Variants in MINDY2 observed in about 807,000 individuals in gnomAD.
The protein encoded by MINDY2 is MINDY lysine 48 deubiquitinase 2.
A neutral mutation model predicts 68.2 loss-of-function variants in MINDY2; 52 were observed. That is an observed-to-expected ratio of 0.76 (90% CI 0.61 to 0.96). The LOEUF (loss-of-function observed/expected upper bound fraction) is 0.96. Ranked by LOEUF, MINDY2 falls within the 40% of genes least tolerant of loss-of-function variation. The probability of loss-of-function intolerance (pLI) is 0.00; values close to 1 mark genes in which losing one functional copy is unlikely to be tolerated. For missense variants in MINDY2, 881 were observed against 773.4 expected, an observed-to-expected ratio of 1.14 and a Z score of -1.65; for synonymous variants, 372 against 303.0, an observed-to-expected ratio of 1.23 and a Z score of -2.36.
intron 2 of MINDY2, 84 bp from the exon 3 acceptor site, chr15:58,802,229 T>C (rs1433351163): frequency 2.2e-6 from 2 of 893,080 alleles, no homozygotes; most frequent in African/African-American, 3.4e-5. Context: ...TGTTTTAACA[T>C]TTATAATTAA....
At chr15:58,782,985 T>A (rs1354931398) in intron 1 of MINDY2, among the ~76,000 whole-genome samples, 1 of 135,334 alleles carries the variant, frequency 7.4e-6, no homozygotes, top group African/African-American at 2.7e-5. Context: ...AGTGGCGTGA[T>A]CTTTACTCAC....
At chr15:58,809,386 T>C (rs2030059731) in intron 3 of MINDY2, among the ~76,000 whole-genome samples, 1 of 151,758 alleles carries the variant, frequency 6.6e-6, no homozygotes, top group South Asian at 2.1e-4. Context: ...TTCATCTGGT[T>C]GTAGCATCTG....
intron 2 of MINDY2, among the ~76,000 whole-genome samples, chr15:58,799,172 G>T (rs1902472426): frequency 6.6e-6 from 1 of 152,164 alleles, no homozygotes; most frequent in Non-Finnish European, 1.5e-5. Flanking sequence ...ACTTTATTCA[G>T]GGCCAGTCGT....
chr15:58,833,067 T>C (rs914781148), intron 6 of MINDY2, among the ~76,000 whole-genome samples: 1 of 152,176 alleles, frequency 6.6e-6, no homozygotes, highest in East Asian at 1.9e-4. Context: ...TTTTTATCTC[T>C]TATAGCCATT....
rs368190295 is a variant in MINDY2, at chr15:58,835,341, TAAG to T, written c.1368+3429_1368+3431del. ...TAGGGATTGTCAGGAAAGATTTATT[TAAG>T]AAGGTCACATTTAAAATGATACCTG... On this transcript the variant is annotated intron_variant, in intron 6 of 8. Transcript: ENST00000559228. Among the ~76,000 whole-genome samples the T allele has an allele frequency of 2.9e-3, 447 of 152,276 alleles. 2 individuals carry two copies. The highest frequency in any genetic ancestry group is 0.01 in the African/African-American group (427 of 41,558).
At position 58,771,661 on chromosome 15, in the gene MINDY2, A is replaced by T. The variant is rs1359690884; in HGVS notation, c.266A>T (p.Asp89Val). 6.2e-7 allele frequency: 1 copy of T among 1,612,468 alleles called. No individual in the cohort carries two copies. The highest frequency in any genetic ancestry group is 1.3e-5 in the African/African-American group (1 of 75,006). The change falls in exon 1 of 9, where the codon GAC (aspartate) becomes GTC (valine). Residue 89 changes from aspartate to valine, a missense_variant. Physicochemically the swap from Asp to Val is radical, Grantham distance 152. Coordinates refer to ENST00000559228, the MANE Select transcript of MINDY2 (RefSeq NM_001040450.3). ...TCCTCCGCGGGTTTGGACTTGAAGG[A>T]CAGTGGTTTGGAGAGTCCTGCTGCC... ...CSSSAGLDLK[D>V]SGLESPAAAE...
At chr15:58,800,571 T>C (rs1373658126) in intron 2 of MINDY2, among the ~76,000 whole-genome samples, 2 of 152,172 alleles carry the variant, frequency 1.3e-5, no homozygotes, top group African/African-American at 4.8e-5. Context: ...ATCTTTCTTA[T>C]ATGTGCTTTC....
intron 1 of MINDY2, among the ~76,000 whole-genome samples, chr15:58,781,474 G>C (rs1901137201): frequency 6.6e-6 from 1 of 152,194 alleles, no homozygotes; most frequent in Non-Finnish European, 1.5e-5. Context: ...TATATCTGCA[G>C]TTTCTGACAG....
In MINDY2 at chr15:58,854,741, CG is replaced by C. The variant is rs373988407; in HGVS notation, c.*133del. The C allele has an allele frequency of 4.3e-4, 451 of 1,048,370 alleles. No individual in the cohort carries two copies. Among genetic ancestry groups the C allele is most frequent in the Non-Finnish European group, 5.3e-4 (396 of 746,918 alleles). The allele number at this position is 1,048,370 out of a possible 1,614,324, so 64.9% of individuals were successfully genotyped here. ...GATTTTGTTCGTTTTTTCAGGGGAA[CG>C]GTTGTTACTTAGTTACAATCAGACT... On this transcript the variant is annotated 3_prime_UTR_variant, in exon 9 of 9. Transcript: ENST00000559228.
chr15:58,831,850 G>C lies in MINDY2; in HGVS notation c.1302G>C (p.Thr434=). Residue 434 remains threonine, a synonymous_variant, in exon 6 of 9, where the codon ACG becomes ACC. Transcript: ENST00000559228. ...TYHGLCELTS[T]VQEGELCVFF... ...ATGGATTATGTGAACTAACTTCAAC[G>C]GTTCAGGAAGGAGAACTTTGTGTGT... 6.2e-7 allele frequency: 1 copy of C among 1,613,622 alleles called. No individual in the cohort carries two copies. Among genetic ancestry groups the C allele is most frequent in the Non-Finnish European group, 8.5e-7 (1 of 1,179,790 alleles).
chr15:58,843,376 C>G (rs1401352296), intron 6 of MINDY2, among the ~76,000 whole-genome samples: 1 of 152,094 alleles, frequency 6.6e-6, no homozygotes, highest in East Asian at 1.9e-4. Flanking sequence ...GTCTGAAACT[C>G]CTGACCTCAA....
Position 58,774,500 on chromosome 15 carries a change from A to G in MINDY2, c.840+2265A>G, listed in dbSNP as rs1469287245. On this transcript the variant is annotated intron_variant, in intron 1 of 8. Transcript: ENST00000559228. The stretch of plus-strand genomic sequence containing the variant: ...ACCCCGTCCCAAAAAAAGAAAAAAA[A>G]AAAAAAAAAAGGAAATGCAAAGATG... 7.9e-5 allele frequency among the ~76,000 whole-genome samples: 12 copies of G among 151,832 alleles called. No homozygotes were observed. The South Asian group carries it at 2.5e-3, about 32-fold the overall frequency.
rs1409044259 is a variant in MINDY2 at position 58,821,807 on chromosome 15, C to G, written c.1213C>G (p.Leu405Val). ...TTGTAAACAGTCAGACAATAGTGAGCTGGTTAGTGAAGGTGGGTGAGTGCT... is the reference window on the plus strand; with the variant it reads ...TTGTAAACAGTCAGACAATAGTGAGGTGGTTAGTGAAGGTGGGTGAGTGCT... Reference protein sequence around the residue: ...ISCKQSDNSELVSEGFVAEQF... With the variant: ...ISCKQSDNSEVVSEGFVAEQF... The change falls in exon 5 of 9, where the codon CTG becomes GTG. Residue 405 changes from leucine (L) to valine (V), a missense_variant. Leu to Val is a conservative substitution (Grantham distance 32, BLOSUM62 1). Transcript: ENST00000559228. The G allele has an allele frequency of 2.5e-6, 4 of 1,586,000 alleles. No homozygotes were observed. The East Asian group carries it at 9.3e-5, about 37-fold the overall frequency.
intron 1 of MINDY2, among the ~76,000 whole-genome samples, chr15:58,773,851 T>G (rs1900597185): frequency 6.6e-6 from 1 of 152,182 alleles, no homozygotes; most frequent in African/African-American, 2.4e-5. Flanking sequence ...TGTTTATATG[T>G]TTATTACATG....
intron 4 of MINDY2, among the ~76,000 whole-genome samples, chr15:58,812,661 A>G (rs1031520486): frequency 5.3e-5 from 8 of 152,278 alleles, no homozygotes; most frequent in African/African-American, 1.9e-4. Context: ...GGAATTCAAG[A>G]CTAGCCTGGG....
At chr15:58,814,332 A>T (rs555385279) in intron 4 of MINDY2, among the ~76,000 whole-genome samples, 1 of 151,206 alleles carries the variant, frequency 6.6e-6, no homozygotes, top group South Asian at 2.1e-4. Flanking sequence ...ATGTCTCTTC[A>T]TGTCTTTTGC....
rs543373277 is a variant in MINDY2, at chr15:58,775,201, C to G, written c.840+2966C>G. 1.4e-3 allele frequency among the ~76,000 whole-genome samples: 217 copies of G among 152,176 alleles called. 1 individual carries two copies. Among genetic ancestry groups the G allele is most frequent in the African/African-American group, 4.8e-3 (201 of 41,512 alleles). On this transcript the variant is annotated intron_variant, in intron 1 of 8. Coordinates refer to ENST00000559228, the MANE Select transcript of MINDY2 (RefSeq NM_001040450.3). ...AGTTAATGCAATGTGTGCCTCTGTA[C>G]TTTGTGTTTTAAATTTTTCTCAATT...
chr15:58,861,137 T>C lies in MINDY2; in HGVS notation c.*6527T>C, dbSNP rs893564869. 6.6e-6 allele frequency: 1 copy of C among 152,208 alleles called. No homozygotes were observed. Among genetic ancestry groups the C allele is most frequent in the East Asian group, 1.9e-4 (1 of 5,198 alleles). 9.4% of individuals were successfully genotyped at this position (152,208 alleles called of 1,614,324 possible). The stretch of plus-strand genomic sequence containing the variant: ...CTTTTCCTTGAATTGTGCAGAATAA[T>C]TGGATTGAGGCACATATTTTGAGGA... On this transcript the variant is annotated 3_prime_UTR_variant, in exon 9 of 9. Coordinates refer to ENST00000559228, the MANE Select transcript of MINDY2 (RefSeq NM_001040450.3).
In MINDY2 at chr15:58,857,962, T is replaced by TTA. The variant is rs2033112934; in HGVS notation, c.*3355_*3356dup. ...CCCATTGCATCCACAATGCTGTGAT[T>TTA]TATAGTACATGATCAACACTTAAAA... On this transcript the variant is annotated 3_prime_UTR_variant, in exon 9 of 9. Coordinates refer to ENST00000559228, the MANE Select transcript of MINDY2 (RefSeq NM_001040450.3). 1 of 152,196 alleles carries TTA rather than the reference T, an allele frequency of 6.6e-6. No homozygotes were observed. The highest frequency in any genetic ancestry group is 1.5e-5 in the Non-Finnish European group (1 of 68,014). 9.4% of individuals were successfully genotyped at this position (152,196 alleles called of 1,614,324 possible). A position where few individuals can be genotyped will look rare whatever the true frequency, so the allele number is the denominator to read the frequency against.
Sources: gnomAD v4.1 joint callset for allele counts (sites outside exome capture counted in the v4.1 genomes callset) on GRCh38, gnomAD v4.1.1 for gene constraint, MANE v1.5 for transcripts, NCBI Gene and HGNC (gene_info 2026-07-23, HGNC 2026-07-21) for gene names.